Variants in DGKB observed in about 807,000 individuals in gnomAD.
DGKB encodes the protein 90 kDa diacylglycerol kinase.
DGKB carries 67 observed loss-of-function variants against 114.3 expected under a neutral mutation model. The ratio of observed to expected loss-of-function variants is 0.59; its 90% CI spans 0.48 to 0.72. The LOEUF (loss-of-function observed/expected upper bound fraction) is 0.72, where lower values mean the gene tolerates loss of function less well. DGKB is among the 30% of genes least tolerant of loss of function. The probability of loss-of-function intolerance (pLI) is 0.00; values close to 1 mark genes in which losing one functional copy is unlikely to be tolerated. For synonymous variants in DGKB, 398 were observed against 323.1 expected (o/e 1.23, Z -2.49); for missense variants, 907 against 975.2 (o/e 0.93, Z 0.93).
chr7:14,637,297 T>C (rs1053953420), intron 13 of DGKB, among the ~76,000 whole-genome samples: 5 of 152,002 alleles, frequency 3.3e-5, no homozygotes, highest in African/African-American at 1.2e-4. Context: ...CAGAAAATTT[T>C]AGATACAGAA....
chr7:14,656,517 C>G (rs929430017), intron 13 of DGKB, among the ~76,000 whole-genome samples: 6 of 151,374 alleles, frequency 4.0e-5, no homozygotes, highest in African/African-American at 1.2e-4. Flanking sequence ...CCATAGGACA[C>G]TGCATCCTGA....
chr7:14,191,758 T>C, intron 23 of DGKB: 2 of 337,902 alleles, frequency 5.9e-6, no homozygotes, highest in Non-Finnish European at 1.2e-5. Context: ...ACAGCAAAAA[T>C]GACCCACCAA....
intron 20 of DGKB, among the ~76,000 whole-genome samples, chr7:14,551,181 A>G (rs1291742828): frequency 1.3e-5 from 2 of 152,170 alleles, no homozygotes; most frequent in Non-Finnish European, 2.9e-5. Context: ...TTAAATCACA[A>G]CCATGCAAAT....
intron 23 of DGKB, among the ~76,000 whole-genome samples, chr7:14,186,875 T>C (rs957597103): frequency 6.6e-6 from 1 of 151,182 alleles, no homozygotes; most frequent in African/African-American, 2.4e-5. Context: ...GGGGGAAGAG[T>C]TGGAGAGGGG....
At chr7:14,479,848 C>T (rs1030591409) in intron 20 of DGKB, among the ~76,000 whole-genome samples, 1 of 151,984 alleles carries the variant, frequency 6.6e-6, no homozygotes, top group Admixed American at 6.6e-5. Flanking sequence ...GGTACAAAAT[C>T]AACTTGGAAT....
intron 1 of DGKB, among the ~76,000 whole-genome samples, chr7:14,855,204 T>C (rs1187996293): frequency 6.6e-6 from 1 of 152,216 alleles, no homozygotes; most frequent in Non-Finnish European, 1.5e-5. Context: ...AGAAATAGCA[T>C]GCCTCAGCCT....
chr7:14,382,675 AG>A (rs1246985840), intron 21 of DGKB, among the ~76,000 whole-genome samples: 2 of 152,186 alleles, frequency 1.3e-5, no homozygotes, highest in East Asian at 1.9e-4. Flanking sequence ...AACTTTTAAG[AG>A]AGAAGTATTT....
intron 1 of DGKB, among the ~76,000 whole-genome samples, chr7:14,928,686 C>T (rs966236648): frequency 6.6e-6 from 1 of 151,692 alleles, no homozygotes; most frequent in Non-Finnish European, 1.5e-5. Flanking sequence ...TTTCTATTTG[C>T]ATAAATTTAT....
intron 13 of DGKB, among the ~76,000 whole-genome samples, chr7:14,654,754 A>G (rs376537454): frequency 6.6e-6 from 1 of 152,014 alleles, no homozygotes; most frequent in East Asian, 1.9e-4. Flanking sequence ...CTTTTGACAT[A>G]GGCTCTAAGA....
At chr7:14,877,993 T>C (rs993344331) in intron 1 of DGKB, among the ~76,000 whole-genome samples, 2 of 151,874 alleles carry the variant, frequency 1.3e-5, no homozygotes, top group African/African-American at 4.8e-5. Flanking sequence ...ATAATTCTTA[T>C]AGAAGGACAA....
chr7:14,973,529 T>G (rs779649969), intron 1 of DGKB, among the ~76,000 whole-genome samples: 4,351 of 87,844 alleles, frequency 0.05, 113 homozygotes, highest in Middle Eastern at 0.12. Flanking sequence ...GTTTTTTTGT[T>G]TTTTTTTTCT....
chr7:14,403,585 A>G lies in DGKB; in HGVS notation c.1836-58194T>C, dbSNP rs769971003. ...AATCAATTCATGCTGCTTTCTGCCAATTCGCATCAACTCCAATGCAACTCC... is the reference window on the plus strand; with the variant it reads ...AATCAATTCATGCTGCTTTCTGCCAGTTCGCATCAACTCCAATGCAACTCC... On this transcript the variant is annotated intron_variant, in intron 21 of 25. Transcript: ENST00000402815. Among the ~76,000 whole-genome samples the G allele has an allele frequency of 3.0e-4, 45 of 152,104 alleles. 1 individual carries two copies. The highest frequency in any genetic ancestry group is 5.9e-4 in the Non-Finnish European group (40 of 67,916).
At chr7:14,280,084 C>A (rs1435173839) in intron 23 of DGKB, among the ~76,000 whole-genome samples, 1 of 151,548 alleles carries the variant, frequency 6.6e-6, no homozygotes, top group African/African-American at 2.4e-5. Context: ...GACATTCAAA[C>A]CAAAGGCAAA....
intron 23 of DGKB, among the ~76,000 whole-genome samples, chr7:14,266,952 C>T (rs918197936): frequency 2.6e-5 from 4 of 151,980 alleles, no homozygotes; most frequent in African/African-American, 9.7e-5. Context: ...GTCATCTAAA[C>T]ATTACCTTAT....
At chr7:14,831,364 C>T (rs1369040067) in intron 2 of DGKB, among the ~76,000 whole-genome samples, 1 of 151,932 alleles carries the variant, frequency 6.6e-6, no homozygotes, top group Non-Finnish European at 1.5e-5. Context: ...GTACATTTCA[C>T]AAGCAGAAGC....
intron 13 of DGKB, among the ~76,000 whole-genome samples, chr7:14,645,169 G>T (rs970821175): frequency 6.6e-6 from 1 of 152,018 alleles, no homozygotes; most frequent in Non-Finnish European, 1.5e-5. Context: ...AAAAACCCCA[G>T]ACTCAGACTC....
chr7:14,923,599 C>T (rs1587389452), intron 1 of DGKB, among the ~76,000 whole-genome samples: 1 of 152,122 alleles, frequency 6.6e-6, no homozygotes, highest in African/African-American at 2.4e-5. Context: ...CTCCTTGAAA[C>T]ATTGTATTCA....
chr7:14,176,526 C>T (rs1255018942), intron 25 of DGKB: 10 of 1,035,514 alleles, frequency 9.7e-6, no homozygotes, highest in Non-Finnish European at 1.2e-5. Flanking sequence ...AAAAAAGTTT[C>T]AGATAAACTT....
chr7:14,837,973 T>A (rs1255567412), intron 2 of DGKB, among the ~76,000 whole-genome samples: 1 of 152,178 alleles, frequency 6.6e-6, no homozygotes, highest in African/African-American at 2.4e-5. Flanking sequence ...AAGTCACAGC[T>A]AATCTGTTAA....
Sources: gnomAD v4.1 joint callset for allele counts (sites outside exome capture counted in the v4.1 genomes callset) on GRCh38, gnomAD v4.1.1 for gene constraint, MANE v1.5 for transcripts, NCBI Gene and HGNC (gene_info 2026-07-23, HGNC 2026-07-21) for gene names.